SGCD: variants seen among roughly 807,000 people sequenced by gnomAD.
SGCD encodes delta-sarcoglycan.
In SGCD, 18 loss-of-function variants were observed where a neutral mutation model predicts 36.6. That is an observed-to-expected ratio of 0.49 (90% CI 0.34 to 0.73). The LOEUF is 0.73. SGCD is among the 30% of genes least tolerant of loss of function. The pLI, the probability that SGCD is intolerant of heterozygous loss-of-function variation, is 0.01. For synonymous variants in SGCD, 133 were observed against 130.6 expected (o/e 1.02, Z -0.12); for missense variants, 387 against 346.7 (o/e 1.12, Z -0.92).
chr5:156,591,703 G>C (rs149662491), intron 5 of SGCD, among the ~76,000 whole-genome samples: 1 of 152,318 alleles, frequency 6.6e-6, no homozygotes, highest in East Asian at 1.9e-4. Flanking sequence ...ATTAATTCAA[G>C]ATTAGTTTCA....
At chr5:156,754,929 A>G (rs1043460496) in intron 7 of SGCD, among the ~76,000 whole-genome samples, 4 of 152,256 alleles carry the variant, frequency 2.6e-5, no homozygotes, top group Admixed American at 1.3e-4. Context: ...ACAAGTTTTG[A>G]TAAGTAACAT....
At chr5:156,702,019 T>C (rs1290498490) in intron 7 of SGCD, among the ~76,000 whole-genome samples, 1 of 152,204 alleles carries the variant, frequency 6.6e-6, no homozygotes, top group Non-Finnish European at 1.5e-5. Context: ...GGGTTGCTTC[T>C]GTGATTTGAA....
chr5:155,769,944 G>C, the SGCD span, among the ~76,000 whole-genome samples: 1 of 151,848 alleles, frequency 6.6e-6, no homozygotes, highest in Non-Finnish European at 1.5e-5. Context: ...GCCATGCTTT[G>C]TACCTTTTCT....
At chr5:155,767,935 A>G in the SGCD span, among the ~76,000 whole-genome samples, 2 of 152,150 alleles carry the variant, frequency 1.3e-5, no homozygotes, top group South Asian at 4.1e-4. Flanking sequence ...GTCTGAAATC[A>G]TGGGTGTGGT....
chr5:155,894,089 G>C (rs755555327), intron 1 of SGCD, among the ~76,000 whole-genome samples: 12 of 152,314 alleles, frequency 7.9e-5, no homozygotes, highest in Non-Finnish European at 1.5e-4. Context: ...AGCGAGTGGT[G>C]AGTGAATGTG....
intron 1 of SGCD, among the ~76,000 whole-genome samples, chr5:156,069,674 G>A (rs1004023314): frequency 2.6e-5 from 4 of 151,478 alleles, no homozygotes. Context: ...GTCATTGGTA[G>A]CTTGATGGGG....
chr5:156,309,148 G>A (rs956094980), intron 3 of SGCD, among the ~76,000 whole-genome samples: 2 of 152,046 alleles, frequency 1.3e-5, no homozygotes, highest in African/African-American at 4.8e-5. Context: ...CCTTGGGTTC[G>A]TTGAGCTTCA....
At chr5:156,307,679 A>G (rs546741594) in intron 3 of SGCD, among the ~76,000 whole-genome samples, 60 of 146,944 alleles carry the variant, frequency 4.1e-4, no homozygotes, top group Admixed American at 8.3e-4. Flanking sequence ...GTTATTCTTT[A>G]ACTATTTTGT....
At chr5:155,752,444 C>A in the SGCD span, among the ~76,000 whole-genome samples, 1 of 152,138 alleles carries the variant, frequency 6.6e-6, no homozygotes, top group Non-Finnish European at 1.5e-5. Flanking sequence ...ATCCTCTTTC[C>A]CTTGGTACCC....
At chr5:156,616,163 T>G (rs1268697765) in intron 6 of SGCD, among the ~76,000 whole-genome samples, 1 of 152,200 alleles carries the variant, frequency 6.6e-6, no homozygotes, top group Non-Finnish European at 1.5e-5. Flanking sequence ...TATTCTGTCT[T>G]CAGCTCTGCT....
intron 1 of SGCD, among the ~76,000 whole-genome samples, chr5:155,917,529 A>G (rs1277814237): frequency 6.6e-6 from 1 of 152,220 alleles, no homozygotes; most frequent in Non-Finnish European, 1.5e-5. Context: ...ATATGTTTTC[A>G]ATGGAAATAA....
chr5:156,112,701 A>G (rs989539589), intron 1 of SGCD, among the ~76,000 whole-genome samples: 38 of 152,266 alleles, frequency 2.5e-4, no homozygotes, highest in African/African-American at 8.9e-4. Context: ...CCAGGTAAAT[A>G]GGTGAATTGT....
intron 1 of SGCD, among the ~76,000 whole-genome samples, chr5:156,025,217 G>C (rs777801268): frequency 3.9e-4 from 59 of 152,114 alleles, no homozygotes; most frequent in Admixed American, 5.2e-4. Context: ...TGGTGTTCAT[G>C]ATCTCCCCAT....
intron 3 of SGCD, among the ~76,000 whole-genome samples, chr5:156,288,890 A>AT (rs796645764): frequency 1.3e-5 from 2 of 152,050 alleles, no homozygotes; most frequent in Non-Finnish European, 2.9e-5. Flanking sequence ...TGACATGTCC[A>AT]TTTTTTTATC....
chr5:156,683,906 A>G (rs1753811758), intron 7 of SGCD, among the ~76,000 whole-genome samples: 1 of 152,224 alleles, frequency 6.6e-6, no homozygotes, highest in African/African-American at 2.4e-5. Context: ...AACTTTCAGG[A>G]GTTTAAGATT....
intron 3 of SGCD, among the ~76,000 whole-genome samples, chr5:156,422,336 G>A (rs1048959425): frequency 1.3e-5 from 2 of 151,930 alleles, no homozygotes; most frequent in African/African-American, 4.8e-5. Context: ...TTTTGTTTTT[G>A]TTTTTGTTTT....
chr5:156,162,140 A>T (rs1464347029), intron 3 of SGCD, among the ~76,000 whole-genome samples: 1 of 151,284 alleles, frequency 6.6e-6, no homozygotes, highest in Non-Finnish European at 1.5e-5. Flanking sequence ...GGATAAAGAG[A>T]GGTAAGCCAA....
chr5:156,614,888 TC>T (rs1761963089), intron 6 of SGCD, among the ~76,000 whole-genome samples: 2 of 152,178 alleles, frequency 1.3e-5, no homozygotes, highest in African/African-American at 4.8e-5. Context: ...GCCACCATTC[TC>T]CTAGTCTTCA....
At chr5:156,189,937 A>T (rs1251156595) in intron 3 of SGCD, among the ~76,000 whole-genome samples, 8 of 152,192 alleles carry the variant, frequency 5.3e-5, no homozygotes. Context: ...GTGGCTATTC[A>T]TTGGGTAGCA....
Sources: gnomAD v4.1 joint callset for allele counts (sites outside exome capture counted in the v4.1 genomes callset) on GRCh38, gnomAD v4.1.1 for gene constraint, MANE v1.5 for transcripts, NCBI Gene and HGNC (gene_info 2026-07-23, HGNC 2026-07-21) for gene names.